LUZP1: variants seen among roughly 807,000 people sequenced by gnomAD.
The protein encoded by LUZP1 is filamin mechanobinding actin cross-linking protein.
LUZP1 carries 25 observed loss-of-function variants against 71.3 expected under a neutral mutation model. That is an observed-to-expected ratio of 0.35 (90% confidence interval 0.26 to 0.49). The LOEUF (loss-of-function observed/expected upper bound fraction) is 0.49. LUZP1 is among the 20% of genes least tolerant of loss of function. The pLI is 0.99. For synonymous variants in LUZP1, 481 were observed against 506.4 expected (o/e 0.95, Z 0.67); for missense variants, 1,142 against 1,300.8 (o/e 0.88, Z 1.88).
chr1:23,157,518 C>T (rs1428337574), intron 2 of LUZP1, among the ~76,000 whole-genome samples: 1 of 151,820 alleles, frequency 6.6e-6, no homozygotes, highest in Non-Finnish European at 1.5e-5. Flanking sequence ...TCGCCAGGCA[C>T]GGTGGCTCAT....
exon 4 of LUZP1, chr1:23,092,777 G>T (rs746682268): frequency 2.5e-6 from 4 of 1,613,662 alleles, no homozygotes; most frequent in Non-Finnish European, 3.4e-6. Flanking sequence ...CGCTCTCGGT[G>T]CCTGGCTTGG....
chr1:23,173,269 T>C (rs1195372299), intron 1 of LUZP1, among the ~76,000 whole-genome samples: 2 of 149,348 alleles, frequency 1.3e-5, no homozygotes, highest in African/African-American at 2.4e-5. Context: ...AAAAAATAAA[T>C]AAATAAAAAA....
chr1:23,118,021 T>A (rs1438364323), intron 2 of LUZP1, among the ~76,000 whole-genome samples: 2 of 142,306 alleles, frequency 1.4e-5, no homozygotes, highest in East Asian at 4.3e-4. Context: ...ACCCGGGAGG[T>A]GGAGGCTGCA....
chr1:23,170,000 A>T (rs1212580753), intron 1 of LUZP1, among the ~76,000 whole-genome samples: 1 of 150,962 alleles, frequency 6.6e-6, no homozygotes, highest in African/African-American at 2.4e-5. Context: ...ACACACACAC[A>T]AAGTTTATCC....
At chr1:23,083,849 G>T (rs192848495), downstream of LUZP1, among the ~76,000 whole-genome samples, 85 of 152,254 alleles carry the variant, frequency 5.6e-4, 2 homozygotes, top group African/African-American at 2.0e-3. Context: ...GGTTTGATCA[G>T]GTCAGAAGAT....
chr1:23,158,952 A>G (rs904822792), intron 2 of LUZP1, among the ~76,000 whole-genome samples: 6 of 151,094 alleles, frequency 4.0e-5, no homozygotes, highest in South Asian at 2.1e-4. Context: ...AAAAAAAAAA[A>G]AGAGATGGGT....
intron 2 of LUZP1, among the ~76,000 whole-genome samples, chr1:23,113,603 C>G (rs189370052): frequency 6.6e-6 from 1 of 150,548 alleles, no homozygotes; most frequent in Non-Finnish European, 1.5e-5. Flanking sequence ...TGCTCAAGGC[C>G]GGACACGGTG....
chr1:23,149,106 A>T (rs947040034), intron 2 of LUZP1, among the ~76,000 whole-genome samples: 3 of 147,512 alleles, frequency 2.0e-5, no homozygotes, highest in Non-Finnish European at 4.5e-5. Flanking sequence ...AAAAAAAAAA[A>T]TTAAATTAAA....
chr1:23,176,899 G>A (rs962405590), intron 1 of LUZP1, among the ~76,000 whole-genome samples: 1 of 151,578 alleles, frequency 6.6e-6, no homozygotes, highest in Non-Finnish European at 1.5e-5. Flanking sequence ...TTTGTTTTTT[G>A]AGACAGGGTC....
At chr1:23,171,198 C>T (rs1211789470) in intron 1 of LUZP1, among the ~76,000 whole-genome samples, 1 of 151,750 alleles carries the variant, frequency 6.6e-6, no homozygotes, top group African/African-American at 2.4e-5. Flanking sequence ...CACCACACAG[C>T]ACCTCATAAC....
intron 2 of LUZP1, among the ~76,000 whole-genome samples, chr1:23,142,093 G>A (rs377678359): frequency 5.9e-5 from 9 of 151,762 alleles, no homozygotes; most frequent in East Asian, 1.9e-4. Flanking sequence ...TGACCCACCC[G>A]CCTCAGCCTC....
chr1:23,131,219 CAAAAAAAA>C lies in LUZP1; in HGVS notation c.-225-22100_-225-22093del, dbSNP rs71020480. Among the ~76,000 whole-genome samples the C allele has an allele frequency of 3.6e-4, 16 of 45,036 alleles. No individual in the cohort carries two copies. In the South Asian group the frequency reaches 0.011, roughly 32 times the overall value. The allele number at this position is 45,036 out of a possible 152,430, so 29.5% of individuals were successfully genotyped here. A position where few individuals can be genotyped will look rare whatever the true frequency, so the allele number is the denominator to read the frequency against. The stretch of plus-strand genomic sequence containing the variant: ...CGGGCAACAGAGTGAGACTCCATCT[CAAAAAAAA>C]AAAAAAAAAAAAAAAAAAAAGATCT... On this transcript the variant is annotated intron_variant, in intron 2 of 4. Transcript: ENST00000302291.
intron 2 of LUZP1, among the ~76,000 whole-genome samples, chr1:23,125,111 C>T (rs1339497204): frequency 6.6e-6 from 1 of 152,160 alleles, no homozygotes. Context: ...TTAGAAAACC[C>T]TGTCCTCAAT....
In LUZP1 at chr1:23,103,225, G is replaced by A. The variant is rs1207830486; in HGVS notation, c.-120+5797C>T. Among the ~76,000 whole-genome samples the A allele has an allele frequency of 4.0e-5, 6 of 151,784 alleles. 1 individual carries two copies. Among genetic ancestry groups the A allele is most frequent in the Non-Finnish European group, 5.9e-5 (4 of 67,996 alleles). Reference sequence around the variant, plus strand: ...CTTCTAAAGTACTGGGATTACAGACGCGAGCCACCGCCCCTGGCCAAGAGC... The same window carrying A: ...CTTCTAAAGTACTGGGATTACAGACACGAGCCACCGCCCCTGGCCAAGAGC... On this transcript the variant is annotated intron_variant, in intron 3 of 4. Coordinates refer to ENST00000302291, the Ensembl canonical transcript of LUZP1.
At chr1:23,083,672 A>AAAC, downstream of LUZP1, 1 of 212,048 alleles carries the variant, frequency 4.7e-6, no homozygotes, top group Non-Finnish European at 9.3e-6. Flanking sequence ...TTTGAGAATA[A>AAAC]AACTTCATAT....
At chr1:23,114,843 CT>C (rs1377409406) in intron 2 of LUZP1, among the ~76,000 whole-genome samples, 1 of 152,184 alleles carries the variant, frequency 6.6e-6, no homozygotes, top group Non-Finnish European at 1.5e-5. Context: ...TCAGATGTGT[CT>C]TTTACACTTT....
At chr1:23,165,685 C>T (rs1644504206) in intron 2 of LUZP1, among the ~76,000 whole-genome samples, 1 of 152,170 alleles carries the variant, frequency 6.6e-6, no homozygotes, top group Non-Finnish European at 1.5e-5. Flanking sequence ...CATTCATTCA[C>T]TCATCAAATA....
At chr1:23,157,016 T>C (rs895004701) in intron 2 of LUZP1, among the ~76,000 whole-genome samples, 2 of 152,258 alleles carry the variant, frequency 1.3e-5, no homozygotes, top group African/African-American at 4.8e-5. Flanking sequence ...TTTCAGAATT[T>C]GGAAATGTCA....
chr1:23,153,760 C>T (rs1388919663), intron 2 of LUZP1, among the ~76,000 whole-genome samples: 2 of 152,088 alleles, frequency 1.3e-5, no homozygotes, highest in Non-Finnish European at 2.9e-5. Context: ...ATAGTGAGAC[C>T]TCGACTCTAC....
Sources: allele counts gnomAD v4.1 joint callset (sites outside exome capture counted in the v4.1 genomes callset), GRCh38; gene constraint gnomAD v4.1.1; transcripts MANE v1.5; gene names NCBI Gene and HGNC (gene_info 2026-07-23, HGNC 2026-07-21).